The following CAMK2D variants were observed in gnomAD, a reference collection of about 807,000 sequenced individuals.
CAMK2D encodes the protein calcium/calmodulin-dependent protein kinase type II subunit delta.
A neutral mutation model predicts 84.0 loss-of-function variants in CAMK2D; 37 were observed. That is an observed-to-expected ratio of 0.44 (90% CI 0.34 to 0.58). CAMK2D has a LOEUF of 0.58. CAMK2D is among the 20% of genes least tolerant of loss of function. The pLI is 0.02. For synonymous variants in CAMK2D, 202 were observed against 212.5 expected (o/e 0.95, Z 0.43); for missense variants, 448 against 652.5 (o/e 0.69, Z 3.41).
Position 113,761,728 on chromosome 4 carries a change from G to A in CAMK2D, c.-660C>T. 1.2e-6 allele frequency: 1 copy of A among 868,354 alleles called. No individual in the cohort carries two copies. Among genetic ancestry groups the A allele is most frequent in the Non-Finnish European group, 1.4e-6 (1 of 723,320 alleles). The allele number at this position is 868,354 out of a possible 1,614,324, so 53.8% of individuals were successfully genotyped here. On this transcript the variant is annotated 5_prime_UTR_variant, in exon 1 of 21. Coordinates refer to ENST00000511664, the MANE Select transcript of CAMK2D (RefSeq NM_001321571.2). ...GCCCGCGCGGCTTCAAGACGGCGCG[G>A]CGAGAGAAAGAGCGCTCGGCTCAGG...
chr4:113,619,138 C>T (rs1202498957), intron 3 of CAMK2D, among the ~76,000 whole-genome samples: 1 of 152,082 alleles, frequency 6.6e-6, no homozygotes, highest in Non-Finnish European at 1.5e-5. Flanking sequence ...ATAAAAACCC[C>T]AAGGTAATTC....
intron 4 of CAMK2D, among the ~76,000 whole-genome samples, chr4:113,592,875 G>A (rs1481891968): frequency 7.0e-6 from 1 of 143,716 alleles, no homozygotes; most frequent in Non-Finnish European, 1.5e-5. Flanking sequence ...ATTTATTTAA[G>A]ACAGAGTCTC....
At chr4:113,728,723 G>A (rs555064914) in intron 2 of CAMK2D, among the ~76,000 whole-genome samples, 2 of 152,216 alleles carry the variant, frequency 1.3e-5, no homozygotes, top group African/African-American at 4.8e-5. Context: ...ACCCTGGGAA[G>A]TTCCTTACCT....
chr4:113,726,788 G>A (rs184331300), intron 2 of CAMK2D, among the ~76,000 whole-genome samples: 12 of 152,128 alleles, frequency 7.9e-5, no homozygotes, highest in African/African-American at 2.4e-4. Context: ...ATTAAACTAC[G>A]AGAGATCACA....
chr4:113,725,070 T>C (rs1280677329), intron 2 of CAMK2D, among the ~76,000 whole-genome samples: 6 of 152,062 alleles, frequency 3.9e-5, no homozygotes, highest in Non-Finnish European at 8.8e-5. Flanking sequence ...AATTTAAAAA[T>C]AGATATGCAT....
intron 8 of CAMK2D, among the ~76,000 whole-genome samples, chr4:113,525,738 A>G (rs535808074): frequency 1.3e-5 from 2 of 152,298 alleles, no homozygotes; most frequent in South Asian, 4.1e-4. Context: ...CTTAATTCAT[A>G]TAGAAGGCTA....
chr4:113,744,678 G>A (rs539420231), intron 2 of CAMK2D, among the ~76,000 whole-genome samples: 15 of 151,978 alleles, frequency 9.9e-5, no homozygotes, highest in Non-Finnish European at 1.9e-4. Flanking sequence ...TATCATAGCC[G>A]CAAAATTGAT....
At chr4:113,456,772 C>G (rs10031387) in intron 19 of CAMK2D, 1 of 152,892 alleles carries the variant, frequency 6.5e-6, no homozygotes. Flanking sequence ...GAATCTGGCA[C>G]AGATTAAGCA....
chr4:113,532,653 CA>C (rs1245922644), intron 7 of CAMK2D, among the ~76,000 whole-genome samples: 1 of 152,186 alleles, frequency 6.6e-6, no homozygotes, highest in Non-Finnish European at 1.5e-5. Context: ...AATGAGACTC[CA>C]GTGAGAAATC....
chr4:113,749,118 T>C (rs925412400), intron 2 of CAMK2D, among the ~76,000 whole-genome samples: 3 of 151,516 alleles, frequency 2.0e-5, no homozygotes, highest in Non-Finnish European at 2.9e-5. Context: ...GGAATACTTT[T>C]ATGAAAAGAA....
chr4:113,718,873 A>G (rs984801877), intron 2 of CAMK2D, among the ~76,000 whole-genome samples: 7 of 152,160 alleles, frequency 4.6e-5, no homozygotes, highest in Non-Finnish European at 1.0e-4. Flanking sequence ...CTTTTATCTA[A>G]AGTTAGACAA....
At chr4:113,700,310 C>A (rs541742266) in intron 2 of CAMK2D, among the ~76,000 whole-genome samples, 1 of 152,044 alleles carries the variant, frequency 6.6e-6, no homozygotes, top group Non-Finnish European at 1.5e-5. Context: ...ATAATAAAGA[C>A]CAAGGAGGGA....
intron 2 of CAMK2D, among the ~76,000 whole-genome samples, chr4:113,722,405 G>A (rs2099533255): frequency 1.3e-5 from 2 of 152,058 alleles, no homozygotes; most frequent in South Asian, 4.1e-4. Context: ...AATTATTGCT[G>A]GGTCTCAAAA....
chr4:113,535,913 C>T (rs1451092927), intron 7 of CAMK2D, among the ~76,000 whole-genome samples: 1 of 152,208 alleles, frequency 6.6e-6, no homozygotes, highest in Non-Finnish European at 1.5e-5. Context: ...CCTCCAGGGT[C>T]AGGACTTCCT....
Position 113,498,690 on chromosome 4 carries a change from A to G in CAMK2D, c.1135+1773T>C, listed in dbSNP as rs972809221. 2.6e-5 allele frequency among the ~76,000 whole-genome samples: 4 copies of G among 152,228 alleles called. No individual in the cohort carries two copies. The South Asian group carries it at 6.2e-4, about 24-fold the overall frequency. On this transcript the variant is annotated intron_variant, in intron 16 of 20. Coordinates refer to ENST00000511664, the MANE Select transcript of CAMK2D (RefSeq NM_001321571.2). ...AAATCCCAGAGGCAAGATGAAACCCATATCATTGTTATGATTTGAATTGGA... is the reference window on the plus strand; with the variant it reads ...AAATCCCAGAGGCAAGATGAAACCCGTATCATTGTTATGATTTGAATTGGA...
chr4:113,654,650 C>T (rs2099190776), intron 3 of CAMK2D, among the ~76,000 whole-genome samples: 1 of 151,978 alleles, frequency 6.6e-6, no homozygotes, highest in Admixed American at 6.6e-5. Context: ...AAGTTAGGTT[C>T]CCTAAACATC....
At chr4:113,670,763 C>CAA (rs753971197) in intron 2 of CAMK2D, among the ~76,000 whole-genome samples, 7 of 129,500 alleles carry the variant, frequency 5.4e-5, no homozygotes, top group South Asian at 2.4e-4. Context: ...ACTAAAAATA[C>CAA]AAAAAAAAAA....
At chr4:113,668,046 A>G (rs1224651140) in intron 2 of CAMK2D, among the ~76,000 whole-genome samples, 1 of 152,164 alleles carries the variant, frequency 6.6e-6, no homozygotes, top group African/African-American at 2.4e-5. Flanking sequence ...ATTATGAATT[A>G]TGATGTGAGT....
chr4:113,620,319 G>C (rs2099040233), intron 3 of CAMK2D, among the ~76,000 whole-genome samples: 1 of 152,064 alleles, frequency 6.6e-6, no homozygotes, highest in Non-Finnish European at 1.5e-5. Flanking sequence ...AATGAACAGA[G>C]ATTATTAGAG....
Sources: allele counts gnomAD v4.1 joint callset (sites outside exome capture counted in the v4.1 genomes callset), GRCh38; gene constraint gnomAD v4.1.1; transcripts MANE v1.5; gene names NCBI Gene and HGNC (gene_info 2026-07-23, HGNC 2026-07-21).